TRAK1: variants seen among roughly 807,000 people sequenced by gnomAD.
TRAK1 encodes the protein trafficking kinesin-binding protein 1.
In TRAK1, 33 loss-of-function variants were observed where a neutral mutation model predicts 92.1. The ratio of observed to expected loss-of-function variants is 0.36; its 90% CI spans 0.27 to 0.48. The LOEUF is 0.48. TRAK1 is among the 20% of genes least tolerant of loss of function. The pLI, the probability that TRAK1 is intolerant of heterozygous loss-of-function variation, is 0.99. For synonymous variants in TRAK1, 521 were observed against 517.3 expected, an observed-to-expected ratio of 1.01 and a Z score of -0.10; for missense variants, 1,123 against 1,257.9, an observed-to-expected ratio of 0.89 and a Z score of 1.62.
intron 11 of TRAK1, among the ~76,000 whole-genome samples, chr3:42,199,688 C>G (rs1707249644): frequency 6.6e-6 from 1 of 152,200 alleles, no homozygotes; most frequent in Non-Finnish European, 1.5e-5. Flanking sequence ...AAACTCCTGG[C>G]TTCAAGTGAT....
intron 1 of TRAK1, among the ~76,000 whole-genome samples, chr3:42,120,801 C>T (rs935588591): frequency 2.0e-5 from 3 of 152,170 alleles, no homozygotes; most frequent in Admixed American, 1.3e-4. Flanking sequence ...CCACCTCAGC[C>T]TCCCAAAGTG....
intron 2 of TRAK1, among the ~76,000 whole-genome samples, chr3:42,167,042 C>T (rs1701960565): frequency 1.3e-5 from 2 of 152,206 alleles, no homozygotes; most frequent in South Asian, 2.1e-4. Flanking sequence ...AATTAAGTGG[C>T]GTAGTCCTAG....
At position 42,194,920 on chromosome 3, in the gene TRAK1, C is replaced by T. The variant is rs773021871; in HGVS notation, c.1092C>T (p.His364=). 6.2e-7 allele frequency: 1 copy of T among 1,613,874 alleles called. No homozygotes were observed. The highest frequency in any genetic ancestry group is 1.7e-5 in the Admixed American group (1 of 59,998). ...CCAATACCACGTCTCGGCGCTACCA[C>T]TCACTGGGCCTGTTTCCCATGGTGA... ...TMPNTTSRRY[H]SLGLFPMDSL... is the part of the protein sequence containing the mutation. The change falls in exon 10 of 16, where the codon CAC becomes CAT. Residue 364 remains histidine (H), a synonymous_variant. Transcript: ENST00000327628.
intron 1 of TRAK1, among the ~76,000 whole-genome samples, chr3:42,025,597 A>G (rs1008564652): frequency 1.3e-5 from 2 of 149,684 alleles, no homozygotes; most frequent in Non-Finnish European, 3.0e-5. Flanking sequence ...CTGCTGGATC[A>G]GGGTAACTTA....
intron 2 of TRAK1, among the ~76,000 whole-genome samples, chr3:42,175,631 A>G (rs548430581): frequency 1.5e-4 from 23 of 152,284 alleles, no homozygotes; most frequent in African/African-American, 4.3e-4. Flanking sequence ...ATTCCAACAG[A>G]TCCGATTTCT....
chr3:42,223,169 G>A lies in TRAK1; in HGVS notation c.2294G>A (p.Gly765Asp), dbSNP rs1710524390. The change falls in exon 16 of 16, where the codon GGC becomes GAC. Residue 765 changes from glycine (G) to aspartate (D), a missense_variant. Coordinates refer to ENST00000327628, the MANE Select transcript of TRAK1 (RefSeq NM_001042646.3). The surrounding 1 kb of genome is among the most constrained non-coding windows in gnomAD (Gnocchi z 6.1). ...CAGAGCTGGGACAGGGCCGGCCGGGGCTCCCTCCTGCACTCCTACACGCCC... is the reference window on the plus strand; with the variant it reads ...CAGAGCTGGGACAGGGCCGGCCGGGACTCCCTCCTGCACTCCTACACGCCC... Reference protein sequence around the residue: ...DPQSWDRAGRGSLLHSYTPKM... With the variant: ...DPQSWDRAGRDSLLHSYTPKM... 3.1e-6 allele frequency: 5 copies of A among 1,613,854 alleles called. No individual in the cohort carries two copies. In the South Asian group the frequency reaches 5.5e-5, roughly 18 times the overall value.
chr3:42,218,184 A>G (rs1452413214), intron 14 of TRAK1: 1 of 985,140 alleles, frequency 1.0e-6, no homozygotes, highest in Admixed American at 6.2e-5. Context: ...TCCAGCATTT[A>G]TTTTTTTGTT....
intron 1 of TRAK1, among the ~76,000 whole-genome samples, chr3:42,047,924 T>TTTC (rs1702823852): frequency 6.8e-6 from 1 of 147,056 alleles, no homozygotes; most frequent in Admixed American, 6.8e-5. Context: ...TTTCTTTTCT[T>TTTC]TTTTTTTTTT....
rs751918693 is a variant in TRAK1, at chr3:42,196,983, T to TTCTC, written c.1113+2059_1113+2062dup. ...TCTCTCTCTCTCTCTCTCTTTCTCT[T>TTCTC]TCTCTCTCTCTCTCTCTCTCACACA... On this transcript the variant is annotated intron_variant, in intron 10 of 15. Transcript: ENST00000327628. Among the ~76,000 whole-genome samples, 3 of 123,264 alleles carry TTCTC rather than the reference T, an allele frequency of 2.4e-5. No homozygotes were observed. In the South Asian group the frequency reaches 8.3e-4, roughly 34 times the overall value. The allele number at this position is 123,264 out of a possible 152,430, so 80.9% of individuals were successfully genotyped here.
chr3:42,110,005 A>G (rs1200643484), intron 1 of TRAK1, among the ~76,000 whole-genome samples: 10 of 148,388 alleles, frequency 6.7e-5, no homozygotes, highest in Non-Finnish European at 1.0e-4. Context: ...AATATAAATG[A>G]TGAGTTAATG....
At chr3:42,203,347 G>T in intron 13 of TRAK1, 2 of 987,066 alleles carry the variant, frequency 2.0e-6, no homozygotes, top group Non-Finnish European at 2.4e-6. Flanking sequence ...TCCAGGAAGG[G>T]GTGGCTGTGG....
At chr3:42,203,491 CCTCTTT>C (rs1707941950) in intron 13 of TRAK1, 1 of 922,684 alleles carries the variant, frequency 1.1e-6, no homozygotes, top group Non-Finnish European at 1.2e-6. Flanking sequence ...TGCCCTCCTG[CCTCTTT>C]TTTTTTTTTT....
intron 1 of TRAK1, among the ~76,000 whole-genome samples, chr3:42,018,671 C>T (rs1701617377): frequency 6.6e-6 from 1 of 152,078 alleles, no homozygotes; most frequent in Non-Finnish European, 1.5e-5. Flanking sequence ...ATTCAGAGCA[C>T]TTATTGCATT....
intron 10 of TRAK1, among the ~76,000 whole-genome samples, chr3:42,196,446 G>T (rs988363665): frequency 6.6e-6 from 1 of 151,978 alleles, no homozygotes; most frequent in Non-Finnish European, 1.5e-5. Flanking sequence ...CTGTATGAAG[G>T]TCACCAGGTC....
chr3:42,079,724 G>A (rs1486247965), intron 1 of TRAK1, among the ~76,000 whole-genome samples: 2 of 151,876 alleles, frequency 1.3e-5, no homozygotes, highest in Non-Finnish European at 2.9e-5. Flanking sequence ...CAGGTGATCC[G>A]CCCTCCTCGG....
upstream of TRAK1, among the ~76,000 whole-genome samples, chr3:42,083,465 G>GGATCCCC (rs1704527322): frequency 6.6e-6 from 1 of 152,156 alleles, no homozygotes; most frequent in African/African-American, 2.4e-5. Flanking sequence ...CAGCAGACTT[G>GGATCCCC]GATCCCCTCA....
chr3:42,094,476 A>G (rs898854983), intron 1 of TRAK1, among the ~76,000 whole-genome samples: 1 of 152,060 alleles, frequency 6.6e-6, no homozygotes, highest in African/African-American at 2.4e-5. Context: ...TCCTGGGCTC[A>G]AGTGACTCTC....
intron 1 of TRAK1, among the ~76,000 whole-genome samples, chr3:42,110,356 A>AG (rs1708221573): frequency 6.6e-6 from 1 of 151,680 alleles, no homozygotes. Context: ...GCTTCTGCTA[A>AG]GGTGAGCACA....
intron 1 of TRAK1, among the ~76,000 whole-genome samples, chr3:42,016,577 T>G (rs1701535645): frequency 6.6e-6 from 1 of 152,230 alleles, no homozygotes; most frequent in South Asian, 2.1e-4. Context: ...TGGTGATTCT[T>G]GAATTAACCA....
Sources: allele counts gnomAD v4.1 joint callset (sites outside exome capture counted in the v4.1 genomes callset), GRCh38; gene constraint gnomAD v4.1.1; non-coding constraint Gnocchi (gnomAD v3.1); transcripts MANE v1.5; gene names NCBI Gene and HGNC (gene_info 2026-07-23, HGNC 2026-07-21).